ANKFN1: variants seen among roughly 807,000 people sequenced by gnomAD.
The protein encoded by ANKFN1 is ankyrin repeat and fibronectin type-III domain-containing protein 1.
ANKFN1 carries 74 observed loss-of-function variants against 108.7 expected under a neutral mutation model. The observed-to-expected ratio is 0.68, with a 90% CI of 0.56 to 0.83. The LOEUF is 0.83. Ranked by LOEUF, ANKFN1 falls within the 40% of genes least tolerant of loss-of-function variation. ANKFN1 has a pLI of 0.00. For synonymous variants in ANKFN1, 547 were observed against 516.2 expected (o/e 1.06, Z -0.81); for missense variants, 1,505 against 1,382.3 (o/e 1.09, Z -1.41).
intron 4 of ANKFN1, among the ~76,000 whole-genome samples, chr17:56,076,679 T>C (rs2877726): frequency 0.49 from 75,171 of 152,086 alleles, 20,704 homozygotes; most frequent in Non-Finnish European, 0.64. Context: ...CAATAGCCTC[T>C]ACCTTATAGT....
chr17:56,426,856 A>G (rs1345677980), intron 8 of ANKFN1, among the ~76,000 whole-genome samples: 1 of 152,242 alleles, frequency 6.6e-6, no homozygotes, highest in African/African-American at 2.4e-5. Flanking sequence ...TCTGATCATC[A>G]CAAAAGCAGA....
chr17:56,266,880 G>A (rs1381463084), intron 3 of ANKFN1, among the ~76,000 whole-genome samples: 1 of 152,070 alleles, frequency 6.6e-6, no homozygotes, highest in Non-Finnish European at 1.5e-5. Flanking sequence ...GTGTTTAGAG[G>A]AGTGTTTTTG....
At chr17:56,161,545 A>G (rs550505646) in intron 1 of ANKFN1, among the ~76,000 whole-genome samples, 1 of 152,314 alleles carries the variant, frequency 6.6e-6, no homozygotes, top group Non-Finnish European at 1.5e-5. Context: ...CAATTTGTTG[A>G]TATATGAAAT....
intron 4 of ANKFN1, among the ~76,000 whole-genome samples, chr17:56,105,073 C>T (rs1365031294): frequency 6.6e-6 from 1 of 152,096 alleles, no homozygotes; most frequent in Admixed American, 6.5e-5. Flanking sequence ...AATGGGTGTA[C>T]AGAGGGAAAT....
chr17:56,312,875 G>A (rs1364751971), intron 3 of ANKFN1, among the ~76,000 whole-genome samples: 1 of 152,170 alleles, frequency 6.6e-6, no homozygotes, highest in African/African-American at 2.4e-5. Flanking sequence ...ACAACAGTGG[G>A]GGCGGGCACG....
intron 6 of ANKFN1, among the ~76,000 whole-genome samples, chr17:56,364,446 T>C (rs2046608916): frequency 6.6e-6 from 1 of 152,228 alleles, no homozygotes; most frequent in African/African-American, 2.4e-5. Flanking sequence ...GCTTTCTTAT[T>C]GTCATTACTA....
intron 3 of ANKFN1, among the ~76,000 whole-genome samples, chr17:56,304,800 T>A (rs1208163073): frequency 1.3e-5 from 2 of 152,226 alleles, no homozygotes; most frequent in African/African-American, 2.4e-5. Flanking sequence ...ATTTTACACA[T>A]TTATTTAAAA....
At chr17:56,096,620 G>A (rs1020733535) in intron 4 of ANKFN1, among the ~76,000 whole-genome samples, 10 of 152,160 alleles carry the variant, frequency 6.6e-5, no homozygotes, top group Non-Finnish European at 1.3e-4. Context: ...AAATGCTGGC[G>A]AGGTTGCAGA....
intron 1 of ANKFN1, among the ~76,000 whole-genome samples, chr17:56,190,852 C>G (rs1306344343): frequency 1.7e-4 from 22 of 126,472 alleles, no homozygotes; most frequent in Non-Finnish European, 3.4e-4. Flanking sequence ...GAGTCTAAGT[C>G]TCTTTGTAGG....
chr17:56,418,021 T>C (rs1200700745), intron 8 of ANKFN1, among the ~76,000 whole-genome samples: 1 of 152,230 alleles, frequency 6.6e-6, no homozygotes, highest in Non-Finnish European at 1.5e-5. Flanking sequence ...TTCTTTCAAC[T>C]TTTATTTGAG....
At chr17:56,478,093 C>T (rs1361741116) in intron 16 of ANKFN1, among the ~76,000 whole-genome samples, 1 of 152,146 alleles carries the variant, frequency 6.6e-6, no homozygotes, top group Non-Finnish European at 1.5e-5. Context: ...TCCCAAAGTG[C>T]TGGGATTACA....
intron 15 of ANKFN1, chr17:56,473,060 G>A (rs920783292): frequency 6.6e-6 from 1 of 152,120 alleles, no homozygotes; most frequent in Non-Finnish European, 1.5e-5. Flanking sequence ...TTGCTTACAT[G>A]ATTCTCTCAC....
At position 56,511,537 on chromosome 17, in the gene ANKFN1, C is replaced by T. The variant is rs556419237; in HGVS notation, c.*268C>T. Reference sequence around the variant, plus strand: ...ACGACATACAGTGACTCAAACATGCCACCCTGTTGGTGGCACCTATGACTG... The same window carrying T: ...ACGACATACAGTGACTCAAACATGCTACCCTGTTGGTGGCACCTATGACTG... On this transcript the variant is annotated 3_prime_UTR_variant, in exon 21 of 21. Transcript: ENST00000682825. 9.4e-6 allele frequency: 4 copies of T among 424,730 alleles called. No individual in the cohort carries two copies. Among genetic ancestry groups the T allele is most frequent in the Non-Finnish European group, 1.3e-5 (3 of 239,588 alleles). 26.3% of individuals were successfully genotyped at this position (424,730 alleles called of 1,614,324 possible).
chr17:56,511,897 T>C lies in ANKFN1; in HGVS notation c.*628T>C, dbSNP rs933769116. On this transcript the variant is annotated 3_prime_UTR_variant, in exon 21 of 21. Transcript: ENST00000682825. ...TAAATAGGCCTTGACAGGCCTTTTTTTCTTCGTATAGTGCTGTGTGGAGAC... is the reference window on the plus strand; with the variant it reads ...TAAATAGGCCTTGACAGGCCTTTTTCTCTTCGTATAGTGCTGTGTGGAGAC... Among the ~76,000 whole-genome samples the C allele has an allele frequency of 6.6e-6, 1 of 152,176 alleles. No individual in the cohort carries two copies. The highest frequency in any genetic ancestry group is 1.5e-5 in the Non-Finnish European group (1 of 68,032).
At chr17:56,105,339 T>G (rs904202901) in intron 4 of ANKFN1, among the ~76,000 whole-genome samples, 2 of 152,060 alleles carry the variant, frequency 1.3e-5, no homozygotes, top group Non-Finnish European at 2.9e-5. Context: ...TAATCCAGAA[T>G]GATGTGCACT....
At chr17:56,157,030 A>G (rs953829951) in intron 1 of ANKFN1, among the ~76,000 whole-genome samples, 1 of 152,176 alleles carries the variant, frequency 6.6e-6, no homozygotes. Flanking sequence ...GATATTACCA[A>G]ATAGGAAAGG....
intron 3 of ANKFN1, among the ~76,000 whole-genome samples, chr17:56,275,687 T>A (rs1207789023): frequency 1.3e-5 from 2 of 152,108 alleles, no homozygotes; most frequent in Non-Finnish European, 2.9e-5. Context: ...ACTTTTAGGG[T>A]GAAGTCTAGT....
intron 4 of ANKFN1, among the ~76,000 whole-genome samples, chr17:56,117,806 T>G (rs1906369892): frequency 6.6e-6 from 1 of 152,168 alleles, no homozygotes; most frequent in Admixed American, 6.6e-5. Context: ...CATAAAGTTA[T>G]GCAACCATCA....
intron 4 of ANKFN1, among the ~76,000 whole-genome samples, chr17:56,081,050 C>G (rs1028120093): frequency 1.3e-5 from 2 of 152,130 alleles, no homozygotes; most frequent in Admixed American, 6.5e-5. Context: ...AAAGACCTGG[C>G]CCCTTGCCTC....
Sources: allele counts gnomAD v4.1 joint callset (sites outside exome capture counted in the v4.1 genomes callset), GRCh38; gene constraint gnomAD v4.1.1; transcripts MANE v1.5; gene names NCBI Gene and HGNC (gene_info 2026-07-23, HGNC 2026-07-21).